The following SMC6 variants were observed in gnomAD, a reference collection of about 807,000 sequenced individuals.
SMC6 encodes the protein structural maintenance of chromosomes 6.
SMC6 carries 79 observed loss-of-function variants against 142.2 expected under a neutral mutation model. The ratio of observed to expected loss-of-function variants is 0.56; its 90% CI spans 0.46 to 0.67. The LOEUF is 0.67. SMC6 is among the 30% of genes least tolerant of loss of function. The pLI is 0.00. For missense variants in SMC6, 1,072 were observed against 1,284.0 expected (o/e 0.83, Z 2.52); for synonymous variants, 411 against 412.4 (o/e 1.00, Z 0.04).
At chr2:17,708,059 C>A (rs979857438) in intron 17 of SMC6, among the ~76,000 whole-genome samples, 1 of 151,296 alleles carries the variant, frequency 6.6e-6, no homozygotes, top group South Asian at 2.1e-4. Context: ...TAGCATCTAT[C>A]AATGAGAAAA....
rs549217071 is a variant in SMC6, at chr2:17,741,424, C to T, written c.238+188G>A. Among the ~76,000 whole-genome samples the T allele has an allele frequency of 4.6e-5, 7 of 152,246 alleles. No individual in the cohort carries two copies. In the South Asian group the frequency reaches 1.5e-3, roughly 32 times the overall value. ...TTATCCCTATTGCTTAAGTAATGTA[C>T]CTAGAGTTAACTCAGTATTTTCTTT... On this transcript the variant is annotated intron_variant, in intron 4 of 27. Transcript: ENST00000448223.
chr2:17,673,644 G>A (rs939152978), intron 25 of SMC6, among the ~76,000 whole-genome samples: 8 of 149,996 alleles, frequency 5.3e-5, no homozygotes, highest in East Asian at 3.9e-4. Context: ...ATCTCGGTTC[G>A]CTGCAACCTC....
chr2:17,725,711 T>G (rs1378955636), intron 8 of SMC6, among the ~76,000 whole-genome samples: 1 of 152,066 alleles, frequency 6.6e-6, no homozygotes, highest in Non-Finnish European at 1.5e-5. Flanking sequence ...ATTTTTAGAG[T>G]AAGAAATACC....
intron 17 of SMC6, among the ~76,000 whole-genome samples, 200 bp from the exon 18 acceptor site, chr2:17,707,579 C>T (rs536387145): frequency 1.2e-4 from 18 of 152,064 alleles, no homozygotes; most frequent in Middle Eastern, 3.4e-3. Context: ...TTTAAAAAGT[C>T]TTAAAACAGT....
intron 27 of SMC6, 65 bp from the exon 28 acceptor site, chr2:17,665,678 A>ACTCTTTG (rs1666465258): frequency 1.1e-6 from 1 of 910,110 alleles, no homozygotes; most frequent in Non-Finnish European, 1.7e-6. Flanking sequence ...AAAAAATTCT[A>ACTCTTTG]ATATTACCTC....
At chr2:17,685,671 A>G (rs1207368834) in intron 23 of SMC6, among the ~76,000 whole-genome samples, 1 of 152,166 alleles carries the variant, frequency 6.6e-6, no homozygotes, top group Non-Finnish European at 1.5e-5. Flanking sequence ...TAATTAGAAC[A>G]TGTGGAAAAA....
In SMC6 at chr2:17,725,278, C is replaced by T; in HGVS notation, c.705G>A (p.Glu235=). The change falls in exon 9 of 28, where the codon GAG becomes GAA. Residue 235 remains glutamate (E), a synonymous_variant. Transcript: ENST00000448223. ...AAACCTCTTCTCCTTGATGTATCTGCTCCTTTGTTCTTTCTTTCGTTTCCA... is the reference window on the plus strand; with the variant it reads ...AAACCTCTTCTCCTTGATGTATCTGTTCCTTTGTTCTTTCTTTCGTTTCCA... ...YIMETKERTK[E]QIHQGEERLT... is the part of the protein sequence containing the mutation. The T allele has an allele frequency of 1.2e-6, 2 of 1,607,016 alleles. No homozygotes were observed. The highest frequency in any genetic ancestry group is 2.2e-5 in the East Asian group (1 of 44,606).
chr2:17,680,334 A>G (rs1667184709), intron 24 of SMC6: 1 of 152,192 alleles, frequency 6.6e-6, no homozygotes, highest in African/African-American at 2.4e-5. Flanking sequence ...TGAGTCACAC[A>G]CATTTTTTGG....
At chr2:17,718,499 AAC>A (rs1669218815) in intron 11 of SMC6, among the ~76,000 whole-genome samples, 1 of 152,206 alleles carries the variant, frequency 6.6e-6, no homozygotes, top group Admixed American at 6.5e-5. Flanking sequence ...TTAGCAGAAA[AAC>A]AGAACACAAA....
chr2:17,696,307 C>T lies in SMC6; in HGVS notation c.2514G>A (p.Met838Ile), dbSNP rs1256033530. The T allele has an allele frequency of 7.5e-6, 12 of 1,591,540 alleles. No individual in the cohort carries two copies. Among genetic ancestry groups the T allele is most frequent in the East Asian group, 2.3e-5 (1 of 44,198 alleles). Reference sequence around the variant, plus strand: ...GAAAAACCTCTAGTTCTTTCTCTTTCATATCCAGTTCTCGTTTCTTTTTAT... The same window carrying T: ...GAAAAACCTCTAGTTCTTTCTCTTTTATATCCAGTTCTCGTTTCTTTTTAT... ...TLNKKKRELDMKEKELEEKMS... is the reference protein window; with the variant it reads ...TLNKKKRELDIKEKELEEKMS... The change falls in exon 22 of 28, where the codon ATG becomes ATA. Residue 838 changes from methionine (M) to isoleucine (I), a missense_variant. This residue lies in a region of SMC6 where 994 missense variants were observed against 1,153.2 expected (regional missense o/e 0.86). Coordinates refer to ENST00000448223, the MANE Select transcript of SMC6 (RefSeq NM_001142286.2).
At chr2:17,742,989 T>C (rs897937215) in intron 3 of SMC6, among the ~76,000 whole-genome samples, 23 of 152,174 alleles carry the variant, frequency 1.5e-4, no homozygotes, top group African/African-American at 9.7e-5. Flanking sequence ...TCTATTAACT[T>C]TGCACTTTCT....
intron 21 of SMC6, among the ~76,000 whole-genome samples, chr2:17,696,710 A>G (rs184483071): frequency 6.3e-4 from 96 of 152,284 alleles, no homozygotes; most frequent in Non-Finnish European, 1.2e-3. Context: ...AAAACTTAAA[A>G]CAATGCAAGT....
chr2:17,696,642 AC>A (rs1668001466), intron 21 of SMC6, among the ~76,000 whole-genome samples: 4 of 152,178 alleles, frequency 2.6e-5, no homozygotes, highest in African/African-American at 9.7e-5. Context: ...ATATTATGGT[AC>A]TTTCAGTTTT....
chr2:17,687,223 C>T (rs1401742840), intron 23 of SMC6, among the ~76,000 whole-genome samples: 3 of 152,172 alleles, frequency 2.0e-5, no homozygotes, highest in East Asian at 1.9e-4. Flanking sequence ...GATACAGATT[C>T]GAGCACTTAT....
In SMC6 at chr2:17,672,672, C is replaced by CT. The variant is rs1208049579; in HGVS notation, c.2911-2098dup. Among the ~76,000 whole-genome samples, 7 of 152,182 alleles carry CT rather than the reference C, an allele frequency of 4.6e-5. No homozygotes were observed. The East Asian group carries it at 1.3e-3, about 29-fold the overall frequency. On this transcript the variant is annotated intron_variant, in intron 25 of 27. Coordinates refer to ENST00000448223, the MANE Select transcript of SMC6 (RefSeq NM_001142286.2). ...TTCATATGTAGAGGTTACACATACT[C>CT]TTTTGTACATATACTTCAGATTTAT...
At position 17,726,460 on chromosome 2, in the gene SMC6, GATT is replaced by G. The variant is rs1669634160; in HGVS notation, c.550_552del (p.Asn184del). ...ATTTCTTGTGTTAAAACAGAAACTG[GATT>G]ATCCACCTCAAACAAACAAAAAGTC... On this transcript the variant is annotated inframe_deletion, in exon 8 of 28. Transcript: ENST00000448223. The G allele has an allele frequency of 6.2e-7, 1 of 1,609,802 alleles. No individual in the cohort carries two copies.
intron 5 of SMC6, among the ~76,000 whole-genome samples, 170 bp downstream of exon 5, chr2:17,738,051 G>A (rs1670242916): frequency 6.6e-6 from 1 of 152,156 alleles, no homozygotes; most frequent in African/African-American, 2.4e-5. Context: ...AGGCAACAGT[G>A]AGCCATGCCA....
chr2:17,743,499 C>T (rs921886975), intron 3 of SMC6, among the ~76,000 whole-genome samples: 1 of 152,014 alleles, frequency 6.6e-6, no homozygotes, highest in Non-Finnish European at 1.5e-5. Context: ...CCTATATACC[C>T]CCTACCCCCA....
At chr2:17,732,458 C>T (rs1223332045) in intron 5 of SMC6, among the ~76,000 whole-genome samples, 1 of 152,010 alleles carries the variant, frequency 6.6e-6, no homozygotes, top group African/African-American at 2.4e-5. Flanking sequence ...CAGCACTCTG[C>T]GAGGCCAAGG....
Sources: allele counts gnomAD v4.1 joint callset (sites outside exome capture counted in the v4.1 genomes callset), GRCh38; gene constraint gnomAD v4.1.1; regional missense constraint gnomAD v4.1.1; transcripts MANE v1.5; gene names NCBI Gene and HGNC (gene_info 2026-07-23, HGNC 2026-07-21).